Variants in DERPC observed in about 807,000 individuals in gnomAD.
The protein encoded by DERPC is DERPC proline and glycine rich nuclear protein.
DERPC carries 1 observed loss-of-function variant against 7.2 expected under a neutral mutation model. That is an observed-to-expected ratio of 0.14 (90% CI 0.05 to 0.66). The LOEUF (loss-of-function observed/expected upper bound fraction) is 0.66, where lower values mean the gene tolerates loss of function less well. Ranked by LOEUF, DERPC falls within the 30% of genes least tolerant of loss-of-function variation. The pLI is 0.84. For synonymous variants in DERPC, 185 were observed against 117.6 expected, an observed-to-expected ratio of 1.57 and a Z score of -3.71; for missense variants, 502 against 299.4, an observed-to-expected ratio of 1.68 and a Z score of -4.99.
intron 1 of DERPC, among the ~76,000 whole-genome samples, chr16:69,131,090 A>G (rs1346601324): frequency 2.0e-5 from 3 of 152,188 alleles, no homozygotes; most frequent in Non-Finnish European, 2.9e-5. Flanking sequence ...TTGTCTCTTG[A>G]AAGGCTTATG....
intron 1 of DERPC, among the ~76,000 whole-genome samples, chr16:69,123,941 A>AC (rs1308004835): frequency 1.4e-5 from 2 of 140,544 alleles, no homozygotes; most frequent in East Asian, 2.2e-4. Context: ...AAAAAAAAAA[A>AC]AAAAAACAAA....
At position 69,120,883 on chromosome 16, in the gene DERPC, A is replaced by T; in HGVS notation, c.-221-234T>A. The stretch of plus-strand genomic sequence containing the variant: ...TGAGCTTTCCAGATTCCCCAAAATT[A>T]AATTTCCCTGCTACTGCAGAGGTAG... On this transcript the variant is annotated intron_variant, in intron 2 of 2. Transcript: ENST00000519520. This position sits in a 1 kb window ranked among gnomAD's most constrained non-coding sequence, Gnocchi z 4.0. The T allele has an allele frequency of 1.3e-6, 1 of 768,206 alleles. No homozygotes were observed. The highest frequency in any genetic ancestry group is 2.3e-6 in the Non-Finnish European group (1 of 429,398). The allele number at this position is 768,206 out of a possible 1,614,324, so 47.6% of individuals were successfully genotyped here.
chr16:69,120,093 G>T lies in DERPC; in HGVS notation c.336C>A (p.Phe112Leu). The part of the protein sequence containing the change: ...MNPTGTGAVS[F>L]PRPGGLLGPG... ...GCCCCAAGAGGCCACCAGGCCTTGG[G>T]AAAGAAACTGCACCTGTGCCAGTGG... is the stretch of plus-strand genomic sequence containing the variant. The change falls in exon 3 of 3, where the codon TTC becomes TTA. Residue 112 changes from phenylalanine to leucine, a missense_variant. Phe to Leu is a conservative substitution (Grantham distance 22). Coordinates refer to ENST00000519520, the MANE Select transcript of DERPC (RefSeq NM_001002847.4). This position sits in a 1 kb window ranked among gnomAD's most constrained non-coding sequence, Gnocchi z 4.0. 1.4e-6 allele frequency: 1 copy of T among 697,456 alleles called. No individual in the cohort carries two copies. The highest frequency in any genetic ancestry group is 1.5e-5 in the South Asian group (1 of 67,320). The allele number at this position is 697,456 out of a possible 1,614,324, so 43.2% of individuals were successfully genotyped here.
chr16:69,125,192 T>C (rs1041811938), intron 1 of DERPC, among the ~76,000 whole-genome samples: 18 of 152,102 alleles, frequency 1.2e-4, no homozygotes, highest in Non-Finnish European at 1.6e-4. Flanking sequence ...GCTTGAGTCA[T>C]TGCGCCCGGC....
Position 69,119,097 on chromosome 16 carries a change from T to G in DERPC, c.1332A>C (p.Pro444=). 1 of 703,054 alleles carries G rather than the reference T, an allele frequency of 1.4e-6. No individual in the cohort carries two copies. Among genetic ancestry groups the G allele is most frequent in the Non-Finnish European group, 2.6e-6 (1 of 385,024 alleles). 43.6% of individuals were successfully genotyped at this position (703,054 alleles called of 1,614,324 possible). The change falls in exon 3 of 3, where the codon CCA becomes CCC. Residue 444 remains proline (P), a synonymous_variant. Transcript: ENST00000519520. ...LGPGQVTFPR[P]AAGHLGPSPA... is the part of the protein sequence containing the mutation. Reference sequence around the variant, plus strand: ...GAGAAGGGCCCAGATGCCCGGCAGCTGGCCTGGGGAAAGTAACTTGACCAG... The same window carrying G: ...GAGAAGGGCCCAGATGCCCGGCAGCGGGCCTGGGGAAAGTAACTTGACCAG...
At chr16:69,122,945 C>G (rs147869085) in intron 1 of DERPC, among the ~76,000 whole-genome samples, 2 of 152,254 alleles carry the variant, frequency 1.3e-5, no homozygotes, top group Non-Finnish European at 1.5e-5. Context: ...TCCCAAAGTG[C>G]TGGGATTACA....
At position 69,119,679 on chromosome 16, in the gene DERPC, A is replaced by G; in HGVS notation, c.750T>C (p.Asp250=). The change falls in exon 3 of 3, where the codon GAT becomes GAC. Residue 250 remains aspartate (D), a synonymous_variant. Coordinates refer to ENST00000519520, the MANE Select transcript of DERPC (RefSeq NM_001002847.4). ...PSGLGPGPNL[D]ARAGGLLGTG... Reference sequence around the variant, plus strand: ...TGCCCAAGAGGCCACCTGCTCTGGCATCTAGATTAGGGCCTGGGCCCAGGC... The same window carrying G: ...TGCCCAAGAGGCCACCTGCTCTGGCGTCTAGATTAGGGCCTGGGCCCAGGC... 1 of 674,736 alleles carries G rather than the reference A, an allele frequency of 1.5e-6. No individual in the cohort carries two copies. Among genetic ancestry groups the G allele is most frequent in the South Asian group, 1.6e-5 (1 of 64,472 alleles). The allele number at this position is 674,736 out of a possible 1,614,324, so 41.8% of individuals were successfully genotyped here. A position where few individuals can be genotyped will look rare whatever the true frequency, so the allele number is the denominator to read the frequency against.
intron 1 of DERPC, 21 bp downstream of exon 1, chr16:69,132,463 G>C: frequency 4.8e-6 from 1 of 208,006 alleles, no homozygotes; most frequent in Non-Finnish European, 9.3e-6. Flanking sequence ...AGCCTCCCGT[G>C]CCCCCCGCCC....
In DERPC at chr16:69,120,696, A is replaced by G. The variant is rs117142013; in HGVS notation, c.-221-47T>C. The G allele has an allele frequency of 0.024, 36,972 of 1,535,460 alleles. 465 individuals are homozygous for G. Among genetic ancestry groups the G allele is most frequent in the Non-Finnish European group, 0.027 (29,976 of 1,118,870 alleles). Reference sequence around the variant, plus strand: ...ATTCCTGAGGTTCCGGGGCAAGGCCATAACACTCAGGCGCCTCCTAAAGCT... The same window carrying G: ...ATTCCTGAGGTTCCGGGGCAAGGCCGTAACACTCAGGCGCCTCCTAAAGCT... On this transcript the variant is annotated intron_variant, in intron 2 of 2. Coordinates refer to ENST00000519520, the MANE Select transcript of DERPC (RefSeq NM_001002847.4). This position sits in a 1 kb window ranked among gnomAD's most constrained non-coding sequence, Gnocchi z 4.0.
At chr16:69,126,855 C>T (rs745784743) in intron 1 of DERPC, among the ~76,000 whole-genome samples, 1 of 152,160 alleles carries the variant, frequency 6.6e-6, no homozygotes, top group Non-Finnish European at 1.5e-5. Context: ...ACAACTGTTT[C>T]TAGGGCACAG....
At position 69,118,147 on chromosome 16, in the gene DERPC, ATT is replaced by A. The variant is rs2152263184; in HGVS notation, c.*705_*706del. The A allele has an allele frequency of 4.1e-6, 2 of 489,836 alleles. No homozygotes were observed. Among genetic ancestry groups the A allele is most frequent in the Non-Finnish European group, 3.6e-6 (1 of 276,190 alleles). 30.3% of individuals were successfully genotyped at this position (489,836 alleles called of 1,614,324 possible). A position where few individuals can be genotyped will look rare whatever the true frequency, so the allele number is the denominator to read the frequency against. The stretch of plus-strand genomic sequence containing the variant: ...CCCCCACCCCCACCCTAATTCCCAT[ATT>A]CCCATCCACATCAGTTTAAATTTTG... On this transcript the variant is annotated 3_prime_UTR_variant, in exon 3 of 3. Transcript: ENST00000519520.
Position 69,118,399 on chromosome 16 carries a change from T to C in DERPC, c.*455A>G, listed in dbSNP as rs200800671. Reference sequence around the variant, plus strand: ...CAGTAGAGGATGACCAGGTCCAAGCTGCCCAGGTCAGAGCTACGGAAGCAT... The same window carrying C: ...CAGTAGAGGATGACCAGGTCCAAGCCGCCCAGGTCAGAGCTACGGAAGCAT... On this transcript the variant is annotated 3_prime_UTR_variant, in exon 3 of 3. Transcript: ENST00000519520. 6.2e-7 allele frequency: 1 copy of C among 1,613,316 alleles called. No homozygotes were observed. Among genetic ancestry groups the C allele is most frequent in the Non-Finnish European group, 8.5e-7 (1 of 1,179,272 alleles).
At position 69,119,783 on chromosome 16, in the gene DERPC, C is replaced by A. The variant is rs576030478; in HGVS notation, c.646G>T (p.Gly216Cys). The stretch of plus-strand genomic sequence containing the variant: ...GGGGCAGGGTTTGTCCCTAAAAAGC[C>A]TGATCTCAGATTGGGGTTTGGTCCT... ...GPGPNPNLRS[G>C]FLGTNPAPRS... The change falls in exon 3 of 3, where the codon GGC (glycine) becomes TGC (cysteine). Residue 216 changes from glycine (G) to cysteine (C), a missense_variant. Gly to Cys is a radical substitution (Grantham distance 159, BLOSUM62 -3). Transcript: ENST00000519520. 2 of 699,838 alleles carry A rather than the reference C, an allele frequency of 2.9e-6. No individual in the cohort carries two copies. The highest frequency in any genetic ancestry group is 1.8e-5 in the African/African-American group (1 of 57,122). 43.4% of individuals were successfully genotyped at this position (699,838 alleles called of 1,614,324 possible).
intron 1 of DERPC, among the ~76,000 whole-genome samples, chr16:69,121,960 C>T (rs986078895): frequency 3.3e-5 from 5 of 150,770 alleles, no homozygotes; most frequent in Admixed American, 6.6e-5. Context: ...TGAGCCACCG[C>T]GCCCGGCCCT....
chr16:69,121,101 G>A, intron 2 of DERPC: 5 of 1,613,982 alleles, frequency 3.1e-6, no homozygotes, highest in Non-Finnish European at 4.2e-6. Flanking sequence ...CTAATCCAGT[G>A]CTGTAGCGAG....
At chr16:69,122,144 A>G (rs549214129) in intron 1 of DERPC, among the ~76,000 whole-genome samples, 1 of 152,270 alleles carries the variant, frequency 6.6e-6, no homozygotes, top group Non-Finnish European at 1.5e-5. Context: ...CTTTAGACAC[A>G]TTTTATCTTG....
intron 1 of DERPC, among the ~76,000 whole-genome samples, chr16:69,125,076 G>A (rs1459686899): frequency 6.6e-6 from 1 of 151,786 alleles, no homozygotes; most frequent in Non-Finnish European, 1.5e-5. Flanking sequence ...GGCTAATTTT[G>A]TATTTTTAAT....
rs1457192051 is a variant in DERPC at position 69,119,637 on chromosome 16, G to A, written c.792C>T (p.Asn264=). Residue 264 remains asparagine, a synonymous_variant, in exon 3 of 3, where the codon AAC becomes AAT. Coordinates refer to ENST00000519520, the MANE Select transcript of DERPC (RefSeq NM_001002847.4). ...GGCCTTGAGGTCCAGCCATTCTTAA[G>A]TTAAGACCAGATCCTGTGCCCAAGA... is the stretch of plus-strand genomic sequence containing the variant. The part of the protein sequence containing the change: ...GGLLGTGSGL[N]LRMAGPQGLD... 1 of 686,526 alleles carries A rather than the reference G, an allele frequency of 1.5e-6. No individual in the cohort carries two copies. Among genetic ancestry groups the A allele is most frequent in the Non-Finnish European group, 2.7e-6 (1 of 376,062 alleles). The allele number at this position is 686,526 out of a possible 1,614,324, so 42.5% of individuals were successfully genotyped here.
At chr16:69,130,252 G>C (rs1479891518) in intron 1 of DERPC, among the ~76,000 whole-genome samples, 1 of 152,036 alleles carries the variant, frequency 6.6e-6, no homozygotes, top group Admixed American at 6.6e-5. Flanking sequence ...TTGACTCAAC[G>C]GTTTAACCTC....
Sources: allele counts gnomAD v4.1 joint callset (sites outside exome capture counted in the v4.1 genomes callset), GRCh38; gene constraint gnomAD v4.1.1; non-coding constraint Gnocchi (gnomAD v3.1); transcripts MANE v1.5; gene names NCBI Gene and HGNC (gene_info 2026-07-23, HGNC 2026-07-21).